SNAPC3: variants seen among roughly 807,000 people sequenced by gnomAD.
SNAPC3 encodes the protein small nuclear RNA activating complex polypeptide 3, also known as snRNA-activating protein complex subunit 3.
Under a neutral mutation model 47.7 loss-of-function variants are expected in SNAPC3, and 56 were observed. The ratio of observed to expected loss-of-function variants is 1.18; its 90% CI spans 0.95 to 1.47. The LOEUF is 1.47. Ranked by LOEUF, SNAPC3 falls within the 40% of genes most tolerant of loss-of-function variation. The probability of loss-of-function intolerance (pLI) is 0.00; values close to 1 mark genes in which losing one functional copy is unlikely to be tolerated. For missense variants in SNAPC3, 665 were observed against 511.3 expected (o/e 1.30, Z -2.90); for synonymous variants, 235 against 189.9 (o/e 1.24, Z -1.95).
At chr9:15,464,425 T>G (rs1166956047), downstream of SNAPC3, 1 of 198,020 alleles carries the variant, frequency 5.0e-6, no homozygotes, top group African/African-American at 2.3e-5. Flanking sequence ...TGCTATCCTT[T>G]AGTTAACATA....
In SNAPC3 at chr9:15,433,515, A is replaced by T. The variant is rs377079975; in HGVS notation, c.393-37A>T. ...TTTGAAGCCCGAATAACAAATGTTG[A>T]ACTTTGATTTTTTTTTTTCTTTTAC... On this transcript the variant is annotated intron_variant, in intron 2 of 8. Coordinates refer to ENST00000380821, the MANE Select transcript of SNAPC3 (RefSeq NM_001039697.2). The T allele has an allele frequency of 8.7e-5, 110 of 1,268,686 alleles. 1 individual carries two copies. In the East Asian group the frequency reaches 1.2e-3, roughly 14 times the overall value. The allele number at this position is 1,268,686 out of a possible 1,614,324, so 78.6% of individuals were successfully genotyped here.
At chr9:15,425,193 G>A (rs1030872089) in intron 2 of SNAPC3, among the ~76,000 whole-genome samples, 2 of 152,134 alleles carry the variant, frequency 1.3e-5, no homozygotes, top group Admixed American at 6.5e-5. Context: ...TCTCCCATCT[G>A]AAACATACCA....
In SNAPC3 at chr9:15,447,183, A is replaced by T. The variant is rs745909411; in HGVS notation, c.671A>T (p.Asp224Val). Residue 224 changes from aspartate to valine, a missense_variant, in exon 5 of 9, where the codon GAC becomes GTC. Asp to Val is a radical substitution (Grantham distance 152, BLOSUM62 -3). Transcript: ENST00000380821. ...AGGGATTCAATTCGATGTGTCAGTG[A>T]CCTCCAGATTGGTGGTGAATTCAGC... ...QLRDSIRCVS[D>V]LQIGGEFSNT... is the part of the protein sequence containing the mutation. 36 of 1,613,784 alleles carry T rather than the reference A, an allele frequency of 2.2e-5. No homozygotes were observed. The highest frequency in any genetic ancestry group is 2.7e-5 in the Non-Finnish European group (32 of 1,179,842).
intron 3 of SNAPC3, among the ~76,000 whole-genome samples, chr9:15,441,562 C>A (rs1412784290): frequency 1.3e-5 from 2 of 151,538 alleles, no homozygotes; most frequent in Non-Finnish European, 2.9e-5. Flanking sequence ...GTGTTTGTGT[C>A]CCTGGGTACT....
At position 15,458,081 on chromosome 9, in the gene SNAPC3, T is replaced by A. The variant is rs2034933505; in HGVS notation, c.1088+14T>A. 1.6e-6 allele frequency: 2 copies of A among 1,253,276 alleles called. No homozygotes were observed. The highest frequency in any genetic ancestry group is 2.1e-6 in the Non-Finnish European group (2 of 937,598). The allele number at this position is 1,253,276 out of a possible 1,614,324, so 77.6% of individuals were successfully genotyped here. The stretch of plus-strand genomic sequence containing the variant: ...GTATACAGCCAGGTGAGTGATAATG[T>A]ATTTTTTTTTTTCTCTGAGAAATGG... On this transcript the variant is annotated intron_variant, in intron 8 of 8. Transcript: ENST00000380821.
chr9:15,437,605 C>T (rs115305893), intron 3 of SNAPC3, among the ~76,000 whole-genome samples: 2 of 147,350 alleles, frequency 1.4e-5, no homozygotes, highest in Non-Finnish European at 3.0e-5. Flanking sequence ...CTGTGTCAGT[C>T]GAGGTAATGA....
Position 15,433,538 on chromosome 9 carries a change from T to C in SNAPC3, c.393-14T>C, listed in dbSNP as rs2032429800. On this transcript the variant is annotated splice_polypyrimidine_tract_variant and intron_variant, in intron 2 of 8. Transcript: ENST00000380821. ...TGAACTTTGATTTTTTTTTTTCTTT[T>C]ACATCTACAACAGGGTTAGAAAAAG... 3.0e-5 allele frequency: 46 copies of C among 1,513,248 alleles called. No individual in the cohort carries two copies. The highest frequency in any genetic ancestry group is 4.2e-5 in the Non-Finnish European group (46 of 1,106,162). The allele number at this position is 1,513,248 out of a possible 1,614,324, so 93.7% of individuals were successfully genotyped here. A position where few individuals can be genotyped will look rare whatever the true frequency, so the allele number is the denominator to read the frequency against.
chr9:15,435,931 T>A, intron 3 of SNAPC3, among the ~76,000 whole-genome samples: 1 of 141,856 alleles, frequency 7.0e-6, no homozygotes, highest in South Asian at 2.4e-4. Context: ...GCAACCTCCA[T>A]CTCCCAGGTT....
Position 15,443,129 on chromosome 9 carries a change from C to T in SNAPC3, c.478-1473C>T, listed in dbSNP as rs537576993. 1.8e-4 allele frequency among the ~76,000 whole-genome samples: 27 copies of T among 152,330 alleles called. No homozygotes were observed. In the South Asian group the frequency reaches 2.5e-3, roughly 14 times the overall value. On this transcript the variant is annotated intron_variant, in intron 3 of 8. Transcript: ENST00000380821. The stretch of plus-strand genomic sequence containing the variant: ...GAGCCGAGATGGCGGCAGTACAGTC[C>T]AGCTTTGGCTCGGCATCAGAGGGAG...
intron 3 of SNAPC3, among the ~76,000 whole-genome samples, chr9:15,440,486 C>A (rs986407668): frequency 6.6e-5 from 10 of 151,030 alleles, no homozygotes; most frequent in Non-Finnish European, 1.3e-4. Context: ...TGTTTTTTTT[C>A]TTTCATGGGT....
downstream of SNAPC3, chr9:15,462,152 T>C (rs1285932702): frequency 6.6e-6 from 1 of 152,232 alleles, no homozygotes. Context: ...CATTATTCCA[T>C]GTGTGGTGTC....
intron 2 of SNAPC3, among the ~76,000 whole-genome samples, chr9:15,426,620 A>G (rs1375860928): frequency 3.3e-5 from 5 of 152,242 alleles, no homozygotes; most frequent in African/African-American, 1.2e-4. Context: ...GATGATAATC[A>G]TATTAAAGCA....
Position 15,460,063 on chromosome 9 carries a change from TATTC to T in SNAPC3, c.*198_*201del. ...TTATAACATAGTTTAATTTTATATT[TATTC>T]CAGATAGTATTTAATTTAGTGCTTT... On this transcript the variant is annotated 3_prime_UTR_variant, in exon 9 of 9. Transcript: ENST00000380821. 1 of 412,542 alleles carries T rather than the reference TATTC, an allele frequency of 2.4e-6. No homozygotes were observed. The highest frequency in any genetic ancestry group is 4.2e-6 in the Non-Finnish European group (1 of 236,190). 25.6% of individuals were successfully genotyped at this position (412,542 alleles called of 1,614,324 possible).
chr9:15,465,536 G>GAATC (rs775682417), downstream of SNAPC3: 49 of 1,577,304 alleles, frequency 3.1e-5, no homozygotes, highest in Non-Finnish European at 5.2e-6. Context: ...ATCTAGTGTA[G>GAATC]AATCCTTCAG....
intron 2 of SNAPC3, among the ~76,000 whole-genome samples, chr9:15,428,730 G>A (rs2131749986): frequency 6.6e-6 from 1 of 152,104 alleles, no homozygotes; most frequent in South Asian, 2.1e-4. Context: ...TGAATAAATT[G>A]TAAGATACCT....
downstream of SNAPC3, chr9:15,464,490 G>T (rs1160816072): frequency 9.9e-6 from 2 of 201,066 alleles, no homozygotes; most frequent in African/African-American, 4.6e-5. Context: ...ACACGTCAAT[G>T]TACAGACTTA....
At chr9:15,459,040 TTTG>T (rs1427972224) in intron 8 of SNAPC3, among the ~76,000 whole-genome samples, 1 of 152,192 alleles carries the variant, frequency 6.6e-6, no homozygotes, top group Non-Finnish European at 1.5e-5. Context: ...GTATCTTCAG[TTTG>T]TTTTCGCCAC....
At chr9:15,435,097 A>G (rs2131805869) in intron 3 of SNAPC3, among the ~76,000 whole-genome samples, 1 of 152,176 alleles carries the variant, frequency 6.6e-6, no homozygotes, top group Middle Eastern at 3.4e-3. Flanking sequence ...TTTTTTTAAT[A>G]ATAGCCATCC....
At chr9:15,438,691 G>A (rs1465081636) in intron 3 of SNAPC3, among the ~76,000 whole-genome samples, 1 of 151,886 alleles carries the variant, frequency 6.6e-6, no homozygotes, top group Non-Finnish European at 1.5e-5. Context: ...TTTTTCTCCT[G>A]TTATTGATTT....
Sources: allele counts gnomAD v4.1 joint callset (sites outside exome capture counted in the v4.1 genomes callset), GRCh38; gene constraint gnomAD v4.1.1; transcripts MANE v1.5; gene names NCBI Gene and HGNC (gene_info 2026-07-23, HGNC 2026-07-21).